ATP11A: variants seen among roughly 807,000 people sequenced by gnomAD.
The protein encoded by ATP11A is ATPase phospholipid transporting 11A.
Under a neutral mutation model 154.4 loss-of-function variants are expected in ATP11A, and 81 were observed. The ratio of observed to expected loss-of-function variants is 0.52; its 90% CI spans 0.44 to 0.63. The LOEUF (loss-of-function observed/expected upper bound fraction) is 0.63. Among genes scored for constraint, ATP11A ranks in the 30% least tolerant of loss-of-function variants. The pLI, the probability that ATP11A is intolerant of heterozygous loss-of-function variation, is 0.00. For missense variants in ATP11A, 1,316 were observed against 1,474.3 expected, an observed-to-expected ratio of 0.89 and a Z score of 1.76; for synonymous variants, 623 against 585.9, an observed-to-expected ratio of 1.06 and a Z score of -0.91.
At position 112,825,724 on chromosome 13, in the gene ATP11A, A is replaced by T. The variant is rs2078916751; in HGVS notation, c.1023+144A>T. 4 of 998,218 alleles carry T rather than the reference A, an allele frequency of 4.0e-6. No homozygotes were observed. The South Asian group carries it at 7.1e-5, about 18-fold the overall frequency. 61.8% of individuals were successfully genotyped at this position (998,218 alleles called of 1,614,324 possible). On this transcript the variant is annotated intron_variant, in intron 11 of 29. Coordinates refer to ENST00000375645, the MANE Select transcript of ATP11A (RefSeq NM_015205.3). ...TTCAGTCTCTGTGATAGATGCATTC[A>T]CTGAAATTTAAAGTCTCAGTGGACA... is the stretch of plus-strand genomic sequence containing the variant.
At position 112,834,502 on chromosome 13, in the gene ATP11A, C is replaced by G. The variant is rs567072090; in HGVS notation, c.1560-87C>G. The G allele has an allele frequency of 8.2e-4, 693 of 840,772 alleles. 1 individual carries two copies. Among genetic ancestry groups the G allele is most frequent in the Non-Finnish European group, 1.0e-3 (517 of 501,664 alleles). The allele number at this position is 840,772 out of a possible 1,614,324, so 52.1% of individuals were successfully genotyped here. On this transcript the variant is annotated intron_variant, in intron 14 of 29. Coordinates refer to ENST00000375645, the MANE Select transcript of ATP11A (RefSeq NM_015205.3). ...GAAAGTATTTCTTTTTTGAAAAGAA[C>G]GCTTTACCAAAATATAAAGCAAATA...
chr13:112,716,829 C>T (rs1888512489), intron 1 of ATP11A, among the ~76,000 whole-genome samples: 1 of 152,086 alleles, frequency 6.6e-6, no homozygotes, highest in Non-Finnish European at 1.5e-5. Flanking sequence ...GGCTGCTGGC[C>T]TCCCAGCCTC....
chr13:112,691,502 G>GTGTGTGTGTT (rs1283175502), intron 1 of ATP11A, among the ~76,000 whole-genome samples: 31 of 149,940 alleles, frequency 2.1e-4, no homozygotes, highest in Non-Finnish European at 3.4e-4. Context: ...GTGTGTGTGT[G>GTGTGTGTGTT]TGTGTAGGAG....
In ATP11A at chr13:112,836,192, A is replaced by G. The variant is rs886190184; in HGVS notation, c.1646A>G (p.Glu549Gly). 2 of 1,612,702 alleles carry G rather than the reference A, an allele frequency of 1.2e-6. No individual in the cohort carries two copies. Among genetic ancestry groups the G allele is most frequent in the Middle Eastern group, 1.6e-4 (1 of 6,080 alleles). Residue 549 changes from glutamate to glycine, a missense_variant, in exon 16 of 30, where the codon GAA becomes GGA. Glu to Gly is a moderately conservative substitution (Grantham distance 98). Around this residue, in one of 5 missense-constraint regions of ATP11A, gnomAD observed 876 missense variants for 1,006.8 expected, o/e 0.87. Coordinates refer to ENST00000375645, the MANE Select transcript of ATP11A (RefSeq NM_015205.3). ...TTCTCTTTCAGGTTTGAATTGCTGG[A>G]AATTTTGAGTTTTGACTCAGTCAGA... ...ENHIERFELL[E>G]ILSFDSVRRR...
intron 1 of ATP11A, among the ~76,000 whole-genome samples, chr13:112,783,828 G>C (rs1300594079): frequency 6.6e-6 from 1 of 152,230 alleles, no homozygotes; most frequent in Non-Finnish European, 1.5e-5. Context: ...TGGCCCGCCT[G>C]AGTGTTGTTG....
Position 112,859,920 on chromosome 13 carries a change from CT to C in ATP11A, c.2728-366del, listed in dbSNP as rs2080052277. ...ATCTGCCCTAGATGGACACCTCCTTCTGTCACATGTGTGCTCAGTGGTTGGC... is the reference window on the plus strand; with the variant it reads ...ATCTGCCCTAGATGGACACCTCCTTCGTCACATGTGTGCTCAGTGGTTGGC... On this transcript the variant is annotated intron_variant, in intron 23 of 29. Transcript: ENST00000375645. The surrounding 1 kb of genome is among the most constrained non-coding windows in gnomAD (Gnocchi z 4.3). Among the ~76,000 whole-genome samples, 1 of 152,242 alleles carries C rather than the reference CT, an allele frequency of 6.6e-6. No individual in the cohort carries two copies. The highest frequency in any genetic ancestry group is 2.1e-4 in the South Asian group (1 of 4,832).
rs375794382 is a variant in ATP11A at position 112,885,463 on chromosome 13, A to T, written c.*3597A>T. 1 of 152,170 alleles carries T rather than the reference A, an allele frequency of 6.6e-6. No homozygotes were observed. Among genetic ancestry groups the T allele is most frequent in the Non-Finnish European group, 1.5e-5 (1 of 68,054 alleles). The allele number at this position is 152,170 out of a possible 1,614,324, so 9.4% of individuals were successfully genotyped here. A position where few individuals can be genotyped will look rare whatever the true frequency, so the allele number is the denominator to read the frequency against. On this transcript the variant is annotated 3_prime_UTR_variant, in exon 30 of 30. Coordinates refer to ENST00000375645, the MANE Select transcript of ATP11A (RefSeq NM_015205.3). ...AAACACACGTGCACACATCGTACAC[A>T]TGTGAGCTCCCACACGTACACACAG...
At chr13:112,836,733 A>C (rs183252644) in intron 16 of ATP11A, among the ~76,000 whole-genome samples, 2 of 152,376 alleles carry the variant, frequency 1.3e-5, no homozygotes, top group Admixed American at 6.5e-5. Flanking sequence ...TGTGTCTGTG[A>C]GAACAGCACA....
chr13:112,725,126 C>G (rs544079280), intron 1 of ATP11A, among the ~76,000 whole-genome samples: 1 of 152,346 alleles, frequency 6.6e-6, no homozygotes, highest in East Asian at 1.9e-4. Context: ...CTCCATCCCT[C>G]TGTCAACCCT....
Position 112,746,714 on chromosome 13 carries a change from TA to T in ATP11A, c.40-38402del, listed in dbSNP as rs35958036. The T allele has an allele frequency of 0.21, 26,278 of 127,296 alleles. 3,674 individuals carry two copies. The highest frequency in any genetic ancestry group is 0.42 in the African/African-American group (14,269 of 34,242). 7.9% of individuals were successfully genotyped at this position (127,296 alleles called of 1,614,324 possible). On this transcript the variant is annotated intron_variant, in intron 1 of 29. Coordinates refer to ENST00000375645, the MANE Select transcript of ATP11A (RefSeq NM_015205.3). This position sits in a 1 kb window ranked among gnomAD's most constrained non-coding sequence, Gnocchi z 4.1. ...GCGTGCACCACCATGCCTGGCTAAT[TA>T]AAAAAAAAAAAAAAAAAAGACAACT...
intron 1 of ATP11A, among the ~76,000 whole-genome samples, chr13:112,756,289 C>G (rs1428278812): frequency 6.6e-6 from 1 of 152,202 alleles, no homozygotes; most frequent in African/African-American, 2.4e-5. Context: ...CCCCAAATAA[C>G]TAAGGGTCAT....
chr13:112,851,395 C>T, intron 18 of ATP11A, 177 bp downstream of exon 18: 1 of 512,784 alleles, frequency 2.0e-6, no homozygotes, highest in East Asian at 2.9e-5. Flanking sequence ...TCAGGAAGGT[C>T]ATGCCTGGGG....
intron 1 of ATP11A, among the ~76,000 whole-genome samples, chr13:112,704,297 G>C (rs547379773): frequency 5.3e-5 from 8 of 152,354 alleles, no homozygotes; most frequent in Non-Finnish European, 1.0e-4. Flanking sequence ...GGTGATTGTA[G>C]GTTGTGACTG....
chr13:112,712,507 G>A (rs1887877329), intron 1 of ATP11A, among the ~76,000 whole-genome samples: 1 of 152,220 alleles, frequency 6.6e-6, no homozygotes, highest in South Asian at 2.1e-4. Context: ...TGAGGTGAGG[G>A]ACAGCAACCC....
chr13:112,698,163 C>G (rs1005466531), intron 1 of ATP11A, among the ~76,000 whole-genome samples: 8 of 152,110 alleles, frequency 5.3e-5, no homozygotes, highest in African/African-American at 1.9e-4. Context: ...CCACATTTCC[C>G]CACTTTTTTG....
At position 112,867,978 on chromosome 13, in the gene ATP11A, A is replaced by G. The variant is rs78029229; in HGVS notation, c.2992-3757A>G. Among the ~76,000 whole-genome samples the G allele has an allele frequency of 1.8e-3, 280 of 152,346 alleles. 2 individuals are homozygous for G. The highest frequency in any genetic ancestry group is 6.4e-3 in the African/African-American group (268 of 41,586). ...CCTAAATTATTCTATAGGAATATCTATAGATCCTGTGTAGGATTGGAGGAA... is the reference window on the plus strand; with the variant it reads ...CCTAAATTATTCTATAGGAATATCTGTAGATCCTGTGTAGGATTGGAGGAA... On this transcript the variant is annotated intron_variant, in intron 25 of 29. Coordinates refer to ENST00000375645, the MANE Select transcript of ATP11A (RefSeq NM_015205.3).
chr13:112,742,306 G>A (rs926437369), intron 1 of ATP11A, among the ~76,000 whole-genome samples: 4 of 152,190 alleles, frequency 2.6e-5, no homozygotes, highest in African/African-American at 7.2e-5. Context: ...GTGGAAGGGG[G>A]TGCTGTCCTG....
chr13:112,865,490 C>T (rs1256579511), intron 25 of ATP11A, among the ~76,000 whole-genome samples: 10 of 152,246 alleles, frequency 6.6e-5, no homozygotes, highest in African/African-American at 2.2e-4. Context: ...CTTTAAAGAT[C>T]GCATTACCTG....
chr13:112,694,765 AAGAT>A (rs1885604002), intron 1 of ATP11A, among the ~76,000 whole-genome samples: 1 of 152,150 alleles, frequency 6.6e-6, no homozygotes. Context: ...TTAACATTCT[AAGAT>A]AGAAAACATT....
Sources: allele counts gnomAD v4.1 joint callset (sites outside exome capture counted in the v4.1 genomes callset), GRCh38; gene constraint gnomAD v4.1.1; regional missense constraint gnomAD v4.1.1; non-coding constraint Gnocchi (gnomAD v3.1); transcripts MANE v1.5; gene names NCBI Gene and HGNC (gene_info 2026-07-23, HGNC 2026-07-21).